The following CSPP1 variants were observed in gnomAD, a reference collection of about 807,000 sequenced individuals.
CSPP1 encodes centrosome and spindle pole associated protein 1.
Under a neutral mutation model 164.4 loss-of-function variants are expected in CSPP1, and 126 were observed. The ratio of observed to expected loss-of-function variants is 0.77; its 90% CI spans 0.66 to 0.89. The LOEUF is 0.89. Ranked by LOEUF, CSPP1 falls within the 40% of genes least tolerant of loss-of-function variation. CSPP1 has a pLI of 0.00. For missense variants in CSPP1, 1,395 were observed against 1,449.8 expected, an observed-to-expected ratio of 0.96 and a Z score of 0.61; for synonymous variants, 472 against 476.7, an observed-to-expected ratio of 0.99 and a Z score of 0.13.
intron 15 of CSPP1, among the ~76,000 whole-genome samples, chr8:67,127,324 T>G (rs1045560840): frequency 6.6e-6 from 1 of 152,178 alleles, no homozygotes; most frequent in Admixed American, 6.6e-5. Context: ...GTCAGCAGAT[T>G]TGGTTCCTAG....
chr8:67,181,873 T>C (rs1415026312), intron 28 of CSPP1, among the ~76,000 whole-genome samples: 1 of 152,162 alleles, frequency 6.6e-6, no homozygotes, highest in Non-Finnish European at 1.5e-5. Flanking sequence ...GTACTTTCCA[T>C]CTCCATAAAT....
chr8:67,086,398 T>C (rs1024916967), intron 4 of CSPP1, among the ~76,000 whole-genome samples: 38 of 152,252 alleles, frequency 2.5e-4, no homozygotes, highest in Non-Finnish European at 2.5e-4. Context: ...TGTAAAGTTG[T>C]CATGGTTTGA....
At chr8:67,129,999 CTG>C (rs1300880982) in intron 15 of CSPP1, among the ~76,000 whole-genome samples, 1 of 152,206 alleles carries the variant, frequency 6.6e-6, no homozygotes, top group Non-Finnish European at 1.5e-5. Context: ...CAGGTTTAAA[CTG>C]TATGAGTCCA....
intron 17 of CSPP1, 96 bp downstream of exon 17, chr8:67,137,699 C>G (rs1014814435): frequency 1.7e-5 from 11 of 642,794 alleles, no homozygotes; most frequent in Non-Finnish European, 2.7e-5. Flanking sequence ...ATCATAGCCT[C>G]TATAGCAACG....
chr8:67,152,307 C>A (rs1825864178), intron 18 of CSPP1, among the ~76,000 whole-genome samples: 1 of 152,000 alleles, frequency 6.6e-6, no homozygotes, highest in African/African-American at 2.4e-5. Context: ...TTGAATGTTA[C>A]AACATGTGTT....
chr8:67,169,824 C>T (rs545296911), intron 24 of CSPP1, among the ~76,000 whole-genome samples: 21 of 152,214 alleles, frequency 1.4e-4, no homozygotes, highest in African/African-American at 4.8e-4. Flanking sequence ...TCTTGGCTCA[C>T]AGCAACCTCC....
rs58087584 is a variant in CSPP1, at chr8:67,072,869, CAAAAAAAAAA to C, written c.-10-1362_-10-1353del. Among the ~76,000 whole-genome samples the C allele has an allele frequency of 6.7e-5, 4 of 59,284 alleles. No individual in the cohort carries two copies. In the Admixed American group the frequency reaches 7.0e-4, roughly 10 times the overall value. The allele number at this position is 59,284 out of a possible 152,430, so 38.9% of individuals were successfully genotyped here. On this transcript the variant is annotated intron_variant, in intron 1 of 30. Transcript: ENST00000678616. The stretch of plus-strand genomic sequence containing the variant: ...TGTGAAACAACGAGAGAGCCTGTCT[CAAAAAAAAAA>C]AAAAAAAAAAAGAAAGAAAGAAAAG...
intron 7 of CSPP1, among the ~76,000 whole-genome samples, chr8:67,096,565 CA>C (rs531704184): frequency 2.7e-3 from 317 of 116,750 alleles, no homozygotes; most frequent in Middle Eastern, 0.011. Context: ...ACTCTGTCTC[CA>C]AAAAAAAAAA....
At chr8:67,104,949 C>CAT (rs201503845) in intron 8 of CSPP1, among the ~76,000 whole-genome samples, 1,224 of 83,122 alleles carry the variant, frequency 0.015, 27 homozygotes, top group East Asian at 0.017. Flanking sequence ...CTTACATGCA[C>CAT]ATATATATAT....
chr8:67,085,307 T>C (rs564904589), intron 3 of CSPP1, among the ~76,000 whole-genome samples: 174 of 151,910 alleles, frequency 1.1e-3, no homozygotes, highest in African/African-American at 3.9e-3. Context: ...AAATCAGAAG[T>C]GGTTTAACTT....
At chr8:67,163,557 G>T (rs929237623) in intron 22 of CSPP1, among the ~76,000 whole-genome samples, 175 bp from the exon 23 acceptor site, 1 of 152,072 alleles carries the variant, frequency 6.6e-6, no homozygotes, top group Non-Finnish European at 1.5e-5. Flanking sequence ...CTCTAGAATA[G>T]ATATAAAAGG....
chr8:67,102,313 C>G (rs1490545817), intron 7 of CSPP1, among the ~76,000 whole-genome samples: 1 of 152,100 alleles, frequency 6.6e-6, no homozygotes, highest in Non-Finnish European at 1.5e-5. Flanking sequence ...AAGGTTATGA[C>G]AGGTCGCGGT....
intron 28 of CSPP1, among the ~76,000 whole-genome samples, chr8:67,188,470 G>A (rs567234975): frequency 1.3e-5 from 2 of 152,174 alleles, no homozygotes; most frequent in African/African-American, 2.4e-5. Context: ...ATCATATATC[G>A]CCTGAGAGCA....
chr8:67,146,769 A>G (rs1331304030), intron 17 of CSPP1, among the ~76,000 whole-genome samples: 1 of 151,890 alleles, frequency 6.6e-6, no homozygotes, highest in African/African-American at 2.4e-5. Context: ...TAATTTTTTT[A>G]TAATGAGCTA....
intron 3 of CSPP1, among the ~76,000 whole-genome samples, chr8:67,077,415 C>T (rs565139562): frequency 6.8e-4 from 103 of 152,108 alleles, no homozygotes; most frequent in Admixed American, 2.5e-3. Flanking sequence ...GGCTCACTGC[C>T]GCCTCCACCT....
intron 19 of CSPP1, among the ~76,000 whole-genome samples, chr8:67,157,398 T>G (rs1826880100): frequency 6.6e-6 from 1 of 151,816 alleles, no homozygotes; most frequent in South Asian, 2.1e-4. Context: ...TGGGTTCAAG[T>G]GATTCTCCTG....
At chr8:67,124,168 G>C (rs1819603705) in intron 15 of CSPP1, among the ~76,000 whole-genome samples, 1 of 152,004 alleles carries the variant, frequency 6.6e-6, no homozygotes, top group Non-Finnish European at 1.5e-5. Context: ...CAAAGTGCTG[G>C]GATTACAGGC....
chr8:67,123,879 C>A (rs1421371853), intron 15 of CSPP1, among the ~76,000 whole-genome samples: 1 of 151,036 alleles, frequency 6.6e-6, no homozygotes, highest in Non-Finnish European at 1.5e-5. Flanking sequence ...GCTGGGATTA[C>A]GGGCATGAGC....
At chr8:67,149,558 CTTAA>C (rs1289413687) in intron 17 of CSPP1, among the ~76,000 whole-genome samples, 3 of 152,000 alleles carry the variant, frequency 2.0e-5, no homozygotes, top group African/African-American at 7.2e-5. Flanking sequence ...TTTATGTGTC[CTTAA>C]TTTATCTACT....
Sources: gnomAD v4.1 joint callset for allele counts (sites outside exome capture counted in the v4.1 genomes callset) on GRCh38, gnomAD v4.1.1 for gene constraint, MANE v1.5 for transcripts, NCBI Gene and HGNC (gene_info 2026-07-23, HGNC 2026-07-21) for gene names.